CYP11A1: variants seen among roughly 807,000 people sequenced by gnomAD.
CYP11A1 encodes cholesterol side-chain cleavage enzyme, mitochondrial.
Under a neutral mutation model 51.9 loss-of-function variants are expected in CYP11A1, and 25 were observed. The ratio of observed to expected loss-of-function variants is 0.48; its 90% CI spans 0.35 to 0.67. CYP11A1 has a LOEUF of 0.67. Among genes scored for constraint, CYP11A1 ranks in the 30% least tolerant of loss-of-function variants. The pLI is 0.00. For missense variants in CYP11A1, 578 were observed against 680.9 expected (o/e 0.85, Z 1.68); for synonymous variants, 245 against 262.1 (o/e 0.93, Z 0.63).
chr15:74,349,095 G>A (rs41553612), intron 1 of CYP11A1, among the ~76,000 whole-genome samples: 9,578 of 152,192 alleles, frequency 0.063, 612 homozygotes, highest in African/African-American at 0.16. Flanking sequence ...CAAAGAGGAA[G>A]GACCATGTCA....
In CYP11A1 at chr15:74,339,566, C is replaced by T. The variant is rs1406983023; in HGVS notation, c.1157+21G>A. 33 of 1,609,794 alleles carry T rather than the reference C, an allele frequency of 2.0e-5. No individual in the cohort carries two copies. In the Admixed American group the frequency reaches 5.5e-4, roughly 27 times the overall value. On this transcript the variant is annotated intron_variant, in intron 6 of 8. Transcript: ENST00000268053. ...GCCCAGGGATTGGAGTTGGGGGCGG[C>T]ATGGGTGGTTGTGGGCTTGCCTTAG...
chr15:74,365,987 G>A, intron 1 of CYP11A1: 3 of 967,626 alleles, frequency 3.1e-6, no homozygotes, highest in South Asian at 4.6e-5. Flanking sequence ...CTGCGGTGGG[G>A]CCGCCGCCGC....
chr15:74,343,369 A>G (rs1429091192), intron 4 of CYP11A1, among the ~76,000 whole-genome samples: 1 of 152,082 alleles, frequency 6.6e-6, no homozygotes, highest in Non-Finnish European at 1.5e-5. Flanking sequence ...AGAGGTGCAG[A>G]GACATAGTCA....
chr15:74,345,376 G>A lies in CYP11A1; in HGVS notation c.426-133C>T. 1.1e-6 allele frequency: 1 copy of A among 890,702 alleles called. No homozygotes were observed. 55.2% of individuals were successfully genotyped at this position (890,702 alleles called of 1,614,324 possible). A position where few individuals can be genotyped will look rare whatever the true frequency, so the allele number is the denominator to read the frequency against. On this transcript the variant is annotated intron_variant, in intron 2 of 8. Transcript: ENST00000268053. This position sits in a 1 kb window ranked among gnomAD's most constrained non-coding sequence, Gnocchi z 4.3. ...ATCCAGCACTCCCACCAGGGCCTCT[G>A]CCCTCACCTCTCCGAGCACCCTCTG... is the stretch of plus-strand genomic sequence containing the variant.
intron 4 of CYP11A1, 140 bp from the exon 5 acceptor site, chr15:74,343,277 C>A: frequency 8.7e-6 from 7 of 805,846 alleles, no homozygotes; most frequent in Non-Finnish European, 1.5e-5. Flanking sequence ...TTACTGAGCA[C>A]GTACTCTGTA....
At position 74,361,802 on chromosome 15, in the gene CYP11A1, T is replaced by C. The variant is rs945446019; in HGVS notation, c.269+5515A>G. 53 of 1,224,702 alleles carry C rather than the reference T, an allele frequency of 4.3e-5. No homozygotes were observed. The African/African-American group carries it at 6.4e-4, about 15-fold the overall frequency. 75.9% of individuals were successfully genotyped at this position (1,224,702 alleles called of 1,614,324 possible). Reference sequence around the variant, plus strand: ...AGTCCATCTATGGGGAGAAATTTGATGATGAGAACTTCATCCTAAGGCATA... The same window carrying C: ...AGTCCATCTATGGGGAGAAATTTGACGATGAGAACTTCATCCTAAGGCATA... On this transcript the variant is annotated intron_variant, in intron 1 of 8. Coordinates refer to ENST00000268053, the MANE Select transcript of CYP11A1 (RefSeq NM_000781.3).
At chr15:74,361,393 G>T (rs1383751558) in intron 1 of CYP11A1, 3 of 277,666 alleles carry the variant, frequency 1.1e-5, no homozygotes, top group African/African-American at 6.6e-5. Context: ...CTTGTATAAA[G>T]CTACTAACCC....
Position 74,339,680 on chromosome 15 carries a change from T to C in CYP11A1, c.1064A>G (p.Glu355Gly). The C allele has an allele frequency of 6.2e-7, 1 of 1,614,112 alleles. No individual in the cohort carries two copies. Among genetic ancestry groups the C allele is most frequent in the African/African-American group, 1.3e-5 (1 of 75,018 alleles). ...GGCCTGGTGCCGCGCAGCCAAGACC[T>C]CTGCCCGCAGCATATCCTGCACCTT... ...NLKVQDMLRA[E>G]VLAARHQAQG... The change falls in exon 6 of 9, where the codon GAG becomes GGG. Residue 355 changes from glutamate to glycine, a missense_variant. Physicochemically the swap from Glu to Gly is moderately conservative, Grantham distance 98 (BLOSUM62 -2). Coordinates refer to ENST00000268053, the MANE Select transcript of CYP11A1 (RefSeq NM_000781.3).
intron 1 of CYP11A1, among the ~76,000 whole-genome samples, chr15:74,349,394 TTC>T (rs368155952): frequency 2.6e-5 from 4 of 151,936 alleles, no homozygotes; most frequent in Admixed American, 6.6e-5. Flanking sequence ...TGTGTGCATG[TTC>T]TCTCTCTCTC....
At chr15:74,366,640 C>G (rs910578044) in intron 1 of CYP11A1, 1 of 151,218 alleles carries the variant, frequency 6.6e-6, no homozygotes, top group Non-Finnish European at 1.5e-5. Flanking sequence ...TTTTAAAACT[C>G]GCTGGCTGGG....
intron 6 of CYP11A1, 129 bp downstream of exon 6, chr15:74,339,458 C>A (rs1206638631): frequency 2.8e-6 from 4 of 1,438,946 alleles, no homozygotes; most frequent in South Asian, 1.2e-5. Flanking sequence ...ATTTCTTTCT[C>A]CTCCAGACTT....
At chr15:74,338,315 C>T in intron 8 of CYP11A1, 1 of 711,418 alleles carries the variant, frequency 1.4e-6, no homozygotes. Context: ...AACTTGTCTA[C>T]AAACCTCAGT....
intron 1 of CYP11A1, among the ~76,000 whole-genome samples, chr15:74,355,013 G>A (rs2060672580): frequency 6.6e-6 from 1 of 151,950 alleles, no homozygotes; most frequent in Admixed American, 6.6e-5. Flanking sequence ...ACTAATTTGG[G>A]GGGCAAGCAC....
intron 1 of CYP11A1, chr15:74,359,423 C>T (rs142436736): frequency 0.022 from 3,342 of 152,434 alleles, 89 homozygotes; most frequent in African/African-American, 0.066. Flanking sequence ...GCCATCATGT[C>T]CCCTGTGACC....
chr15:74,343,484 C>G (rs2060617598), intron 4 of CYP11A1, among the ~76,000 whole-genome samples: 1 of 152,206 alleles, frequency 6.6e-6, no homozygotes, highest in Non-Finnish European at 1.5e-5. Context: ...CCACCCAAGT[C>G]CCTGTCATCC....
Position 74,343,685 on chromosome 15 carries a change from G to GT in CYP11A1, c.829+103dup, listed in dbSNP as rs1322489291. Reference sequence around the variant, plus strand: ...CCCACGCCTGCCCGCCACAGTGTGGGTTTCCTACAGGTCAAGTCAGCGCCC... The same window carrying GT: ...CCCACGCCTGCCCGCCACAGTGTGGGTTTTCCTACAGGTCAAGTCAGCGCCC... On this transcript the variant is annotated intron_variant, in intron 4 of 8. Coordinates refer to ENST00000268053, the MANE Select transcript of CYP11A1 (RefSeq NM_000781.3). 3.8e-6 allele frequency: 4 copies of GT among 1,061,388 alleles called. No individual in the cohort carries two copies. In the African/African-American group the frequency reaches 6.2e-5, roughly 17 times the overall value. 65.7% of individuals were successfully genotyped at this position (1,061,388 alleles called of 1,614,324 possible). A position where few individuals can be genotyped will look rare whatever the true frequency, so the allele number is the denominator to read the frequency against.
In CYP11A1 at chr15:74,337,919, T is replaced by C; in HGVS notation, c.*53A>G. 6.2e-7 allele frequency: 1 copy of C among 1,610,452 alleles called. No individual in the cohort carries two copies. Among genetic ancestry groups the C allele is most frequent in the Non-Finnish European group, 8.5e-7 (1 of 1,178,290 alleles). On this transcript the variant is annotated 3_prime_UTR_variant, in exon 9 of 9. Coordinates refer to ENST00000268053, the MANE Select transcript of CYP11A1 (RefSeq NM_000781.3). ...GACGACTGAAGATGCAGAGACCCCA[T>C]GGGCCCCACCCCTGGGCCTTCCTCC...
Position 74,338,732 on chromosome 15 carries a change from C to G in CYP11A1, c.1273G>C (p.Glu425Gln), listed in dbSNP as rs1428135350. The G allele has an allele frequency of 3.1e-6, 5 of 1,614,196 alleles. No individual in the cohort carries two copies. The East Asian group carries it at 1.1e-4, about 36-fold the overall frequency. ...VQVAIYALGR[E>Q]PTFFFDPENF... The stretch of plus-strand genomic sequence containing the variant: ...TCCGGGTCGAAGAAGAAGGTGGGCT[C>G]TCGGCCCAGAGCATAGATGGCCACT... The change falls in exon 8 of 9, where the codon GAG (glutamate) becomes CAG (glutamine). Residue 425 changes from glutamate (E) to glutamine (Q), a missense_variant. By Grantham distance (29) the Glu-to-Gln change is conservative. Coordinates refer to ENST00000268053, the MANE Select transcript of CYP11A1 (RefSeq NM_000781.3).
intron 7 of CYP11A1, among the ~76,000 whole-genome samples, chr15:74,338,984 C>A (rs936670289): frequency 5.3e-5 from 8 of 152,216 alleles, no homozygotes; most frequent in Non-Finnish European, 1.2e-4. Flanking sequence ...TGGCTGAAGA[C>A]CCAAGGCCAG....
Sources: allele counts gnomAD v4.1 joint callset (sites outside exome capture counted in the v4.1 genomes callset), GRCh38; gene constraint gnomAD v4.1.1; non-coding constraint Gnocchi (gnomAD v3.1); transcripts MANE v1.5; gene names NCBI Gene and HGNC (gene_info 2026-07-23, HGNC 2026-07-21).